The following ETFA variants were observed in gnomAD, a reference collection of about 807,000 sequenced individuals.
The protein encoded by ETFA is electron transfer flavoprotein subunit alpha, also known as electron transfer flavoprotein subunit alpha, mitochondrial.
ETFA carries 22 observed loss-of-function variants against 46.2 expected under a neutral mutation model. The ratio of observed to expected loss-of-function variants is 0.48; its 90% CI spans 0.34 to 0.68. The LOEUF (loss-of-function observed/expected upper bound fraction) is 0.68. ETFA is among the 30% of genes least tolerant of loss of function. ETFA has a pLI of 0.01. For synonymous variants in ETFA, 131 were observed against 139.9 expected (o/e 0.94, Z 0.45); for missense variants, 345 against 401.1 (o/e 0.86, Z 1.19).
intron 1 of ETFA, among the ~76,000 whole-genome samples, chr15:76,298,045 AT>A (rs776554589): frequency 2.8e-3 from 387 of 138,408 alleles, no homozygotes; most frequent in Middle Eastern, 3.7e-3. Flanking sequence ...CAGATTAGAG[AT>A]TTTTTTTTTT....
intron 11 of ETFA, among the ~76,000 whole-genome samples, chr15:76,220,909 C>A (rs2038950683): frequency 6.6e-6 from 1 of 152,188 alleles, no homozygotes; most frequent in South Asian, 2.1e-4. Context: ...ACTTTGAAAA[C>A]AACCTGACGG....
Position 76,231,370 on chromosome 15 carries a change from C to G in ETFA, c.845G>C (p.Gly282Ala). Residue 282 changes from glycine (G) to alanine (A), a missense_variant, in exon 10 of 12, where the codon GGA (glycine) becomes GCA (alanine). Gly to Ala is a moderately conservative substitution (Grantham distance 60, BLOSUM62 0). Coordinates refer to ENST00000557943, the MANE Select transcript of ETFA (RefSeq NM_000126.4). ...PELYIAVGIS[G>A]AIQHLAGMKD... ...CATCCCAGCTAAATGTTGGATGGCT[C>G]CAGATATTCCAACAGCAATATAAAG... 1.2e-6 allele frequency: 2 copies of G among 1,604,924 alleles called. No homozygotes were observed. Among genetic ancestry groups the G allele is most frequent in the Non-Finnish European group, 1.7e-6 (2 of 1,171,722 alleles).
intron 8 of ETFA, among the ~76,000 whole-genome samples, chr15:76,275,187 C>T (rs1369050582): frequency 1.3e-5 from 2 of 152,194 alleles, no homozygotes; most frequent in East Asian, 1.9e-4. Flanking sequence ...ATACACTGAT[C>T]CCCATAATGC....
Position 76,295,618 on chromosome 15 carries a change from GC to G in ETFA, c.158del (p.Cys53SerfsTer2). On this transcript the variant is annotated frameshift_variant, in exon 2 of 12. Transcript: ENST00000557943. LOFTEE classifies it high-confidence loss of function. ...AATRLGGEVSCLVAGTKCDKV... is the reference protein window; with the variant it reads ...AATRLGGEVSXLVAGTKCDKV... The stretch of plus-strand genomic sequence containing the variant: ...TGTCACATTTGGTTCCAGCTACTAA[GC>G]AGGACACTTCACCTCCAAGGCGTGT... The G allele has an allele frequency of 6.2e-7, 1 of 1,613,808 alleles. No homozygotes were observed. Among genetic ancestry groups the G allele is most frequent in the Non-Finnish European group, 8.5e-7 (1 of 1,179,828 alleles).
At chr15:76,239,786 T>TAAAA (rs200710641) in intron 9 of ETFA, among the ~76,000 whole-genome samples, 1,517 of 133,250 alleles carry the variant, frequency 0.011, 28 homozygotes, top group African/African-American at 0.039. Context: ...TTGTACATAT[T>TAAAA]AAAAAAAAAA....
chr15:76,277,371 C>T (rs927489770), intron 8 of ETFA, among the ~76,000 whole-genome samples: 15 of 152,116 alleles, frequency 9.9e-5, no homozygotes, highest in African/African-American at 3.6e-4. Context: ...TTCCCTTTCC[C>T]GTCCCCTTGT....
chr15:76,261,251 T>C lies in ETFA; in HGVS notation c.816+13161A>G, dbSNP rs2039409275. On this transcript the variant is annotated intron_variant, in intron 9 of 11. Coordinates refer to ENST00000557943, the MANE Select transcript of ETFA (RefSeq NM_000126.4). ...TTGCAAGACAGTTGGAAAGGGGCAT[T>C]GGGTGGCACTGCCAGATCTTTTGGC... The C allele has an allele frequency of 2.5e-6, 4 of 1,569,372 alleles. No homozygotes were observed. The African/African-American group carries it at 4.0e-5, about 16-fold the overall frequency.
intron 1 of ETFA, among the ~76,000 whole-genome samples, chr15:76,296,163 T>C (rs2039820998): frequency 6.6e-6 from 1 of 151,946 alleles, no homozygotes; most frequent in Non-Finnish European, 1.5e-5. Context: ...TTAGCCAGGA[T>C]GGTCTCCATC....
chr15:76,286,574 A>T, intron 5 of ETFA, 93 bp from the exon 6 acceptor site: 1 of 784,084 alleles, frequency 1.3e-6, no homozygotes, highest in South Asian at 1.5e-5. Context: ...CAGACAAGGC[A>T]AGAAATAACT....
chr15:76,310,536 A>T (rs977535184), intron 1 of ETFA, among the ~76,000 whole-genome samples: 4 of 152,184 alleles, frequency 2.6e-5, no homozygotes, highest in African/African-American at 9.7e-5. Flanking sequence ...TCAGTCTCCA[A>T]ATACTCCTTT....
intron 9 of ETFA, chr15:76,259,283 C>T (rs2039377257): frequency 1.3e-6 from 2 of 1,575,968 alleles, no homozygotes; most frequent in African/African-American, 1.4e-5. Context: ...GCACAGACAG[C>T]TGGCCCAGAA....
chr15:76,244,259 A>C (rs904475370), intron 9 of ETFA, among the ~76,000 whole-genome samples: 1 of 152,254 alleles, frequency 6.6e-6, no homozygotes, highest in Admixed American at 6.5e-5. Context: ...AACTCATTTA[A>C]GCACCTTCTA....
At chr15:76,265,603 G>A (rs1207112899) in intron 9 of ETFA, among the ~76,000 whole-genome samples, 1 of 152,156 alleles carries the variant, frequency 6.6e-6, no homozygotes, top group East Asian at 1.9e-4. Flanking sequence ...TTGGCGTAGG[G>A]ACTGCCTCAG....
intron 9 of ETFA, among the ~76,000 whole-genome samples, chr15:76,249,367 A>G (rs1031870884): frequency 2.6e-4 from 38 of 148,748 alleles, no homozygotes; most frequent in African/African-American, 8.4e-4. Flanking sequence ...ACCTCAGGTG[A>G]TCCTTGCACC....
chr15:76,284,208 T>A (rs1001667306), intron 7 of ETFA, among the ~76,000 whole-genome samples: 4 of 152,356 alleles, frequency 2.6e-5, no homozygotes, highest in Admixed American at 2.6e-4. Context: ...GGGAGTCATC[T>A]CAAGGACTTT....
At chr15:76,223,240 CAG>C (rs1296226263) in intron 11 of ETFA, among the ~76,000 whole-genome samples, 1 of 106,974 alleles carries the variant, frequency 9.3e-6, no homozygotes, top group Non-Finnish European at 1.9e-5. Flanking sequence ...TTTTTTGAGA[CAG>C]AGTCTTGCTC....
At chr15:76,221,884 A>G (rs1429834463) in intron 11 of ETFA, among the ~76,000 whole-genome samples, 1 of 152,370 alleles carries the variant, frequency 6.6e-6, no homozygotes, top group East Asian at 1.9e-4. Flanking sequence ...AACAATTAAT[A>G]TAAGAGAATA....
At chr15:76,277,197 G>A (rs572331164) in intron 8 of ETFA, among the ~76,000 whole-genome samples, 4 of 152,238 alleles carry the variant, frequency 2.6e-5, no homozygotes, top group Non-Finnish European at 4.4e-5. Flanking sequence ...TCTCCCTTAG[G>A]TGGGACAGGA....
intron 9 of ETFA, chr15:76,245,227 A>G (rs1255684343): frequency 6.6e-6 from 1 of 152,222 alleles, no homozygotes; most frequent in Non-Finnish European, 1.5e-5. Flanking sequence ...GTACAGGTCC[A>G]TACAGCATTT....
Sources: allele counts gnomAD v4.1 joint callset (sites outside exome capture counted in the v4.1 genomes callset), GRCh38; gene constraint gnomAD v4.1.1; transcripts MANE v1.5; gene names NCBI Gene and HGNC (gene_info 2026-07-23, HGNC 2026-07-21).